The following SLC25A31 variants were observed in gnomAD, a reference collection of about 807,000 sequenced individuals.
SLC25A31 encodes the protein ADP/ATP translocase 4.
Under a neutral mutation model 36.2 loss-of-function variants are expected in SLC25A31, and 40 were observed. The observed-to-expected ratio is 1.10, with a 90% CI of 0.86 to 1.44. The LOEUF (loss-of-function observed/expected upper bound fraction) is 1.44. Ranked by LOEUF, SLC25A31 falls within the 40% of genes most tolerant of loss-of-function variation. The probability of loss-of-function intolerance (pLI) is 0.00; values close to 1 mark genes in which losing one functional copy is unlikely to be tolerated. For synonymous variants in SLC25A31, 143 were observed against 149.7 expected, an observed-to-expected ratio of 0.96 and a Z score of 0.32; for missense variants, 350 against 397.1, an observed-to-expected ratio of 0.88 and a Z score of 1.01.
At chr4:127,756,302 C>G (rs1732030090) in intron 2 of SLC25A31, among the ~76,000 whole-genome samples, 1 of 152,178 alleles carries the variant, frequency 6.6e-6, no homozygotes, top group Non-Finnish European at 1.5e-5. Context: ...GAATAACCAG[C>G]TAAGTGAAGT....
chr4:127,741,854 G>C (rs1731737926), intron 1 of SLC25A31, among the ~76,000 whole-genome samples: 1 of 151,880 alleles, frequency 6.6e-6, no homozygotes, highest in African/African-American at 2.4e-5. Flanking sequence ...ATTCAGACTT[G>C]GTAGATTATA....
chr4:127,764,296 A>C lies in SLC25A31; in HGVS notation c.414A>C (p.Thr138=). The C allele has an allele frequency of 6.2e-7, 1 of 1,614,096 alleles. No individual in the cohort carries two copies. Among genetic ancestry groups the C allele is most frequent in the Non-Finnish European group, 8.5e-7 (1 of 1,179,982 alleles). ...CTTCTGGTGGAGCTGCTGGGGCAAC[A>C]TCCTTATGTGTAGTATATCCTCTAG... ...NLASGGAAGA[T]SLCVVYPLDF... Residue 138 remains threonine (T), a synonymous_variant, in exon 3 of 6, where the codon ACA becomes ACC. Coordinates refer to ENST00000281154, the MANE Select transcript of SLC25A31 (RefSeq NM_031291.4).
intron 1 of SLC25A31, 26 bp from the exon 2 acceptor site, chr4:127,744,646 A>G: frequency 6.4e-7 from 1 of 1,569,706 alleles, no homozygotes; most frequent in Non-Finnish European, 8.6e-7. Flanking sequence ...ATGTAGGTTT[A>G]TGTATTTATA....
rs888861879 is a variant in SLC25A31 at position 127,736,716 on chromosome 4, C to A, written c.232+5939C>A. On this transcript the variant is annotated intron_variant, in intron 1 of 5. Coordinates refer to ENST00000281154, the MANE Select transcript of SLC25A31 (RefSeq NM_031291.4). ...GTATAATAACTATACCTATCTGATA[C>A]GGTAGTTGTGAGGATTAAAGAAGAT... Among the ~76,000 whole-genome samples the A allele has an allele frequency of 2.0e-5, 3 of 151,942 alleles. 1 individual carries two copies. The South Asian group carries it at 6.2e-4, about 32-fold the overall frequency.
Position 127,764,345 on chromosome 4 carries a change from G to C in SLC25A31, c.463G>C (p.Val155Leu), listed in dbSNP as rs778035760. Residue 155 changes from valine to leucine, a missense_variant, in exon 3 of 6, where the codon GTC becomes CTC. Transcript: ENST00000281154. ...PLDFARTRLG[V>L]DIGKGPEERQ... is the part of the protein sequence containing the mutation. ...AGATTTTGCCCGAACCCGATTAGGT[G>C]TCGATATTGGAAAAGGTATGAGATT... The C allele has an allele frequency of 1.2e-6, 2 of 1,612,464 alleles. No individual in the cohort carries two copies. Among genetic ancestry groups the C allele is most frequent in the Non-Finnish European group, 1.7e-6 (2 of 1,178,884 alleles).
At chr4:127,768,949 A>G in intron 5 of SLC25A31, 72 bp downstream of exon 5, 1 of 1,396,400 alleles carries the variant, frequency 7.2e-7, no homozygotes, top group Non-Finnish European at 9.6e-7. Flanking sequence ...AATCAAATTT[A>G]AGAGAAATGT....
intron 1 of SLC25A31, among the ~76,000 whole-genome samples, chr4:127,735,876 A>ATTTTT (rs1560630392): frequency 2.4e-4 from 18 of 73,746 alleles, no homozygotes; most frequent in African/African-American, 8.6e-4. Context: ...TATTTTATTT[A>ATTTTT]TTTATTTATT....
intron 4 of SLC25A31, among the ~76,000 whole-genome samples, 175 bp downstream of exon 4, chr4:127,767,395 A>C (rs546275726): frequency 6.6e-6 from 1 of 152,344 alleles, no homozygotes; most frequent in South Asian, 2.1e-4. Flanking sequence ...TTAAATTATA[A>C]CTGCAGTATG....
chr4:127,771,702 G>A (rs989720863), intron 5 of SLC25A31, among the ~76,000 whole-genome samples: 11 of 152,048 alleles, frequency 7.2e-5, no homozygotes, highest in African/African-American at 1.2e-4. Flanking sequence ...AGAAAATGAC[G>A]TCAGTGTTAC....
intron 2 of SLC25A31, among the ~76,000 whole-genome samples, chr4:127,750,229 G>A (rs984244069): frequency 6.6e-6 from 1 of 152,046 alleles, no homozygotes; most frequent in African/African-American, 2.4e-5. Context: ...GAAAACATAT[G>A]AAAGTATAAA....
intron 2 of SLC25A31, among the ~76,000 whole-genome samples, chr4:127,756,433 C>T (rs917315771): frequency 2.6e-5 from 4 of 152,020 alleles, no homozygotes; most frequent in Non-Finnish European, 4.4e-5. Context: ...GTCGATGGAG[C>T]GTGGGGGGAT....
chr4:127,750,945 CAT>C (rs775289042), intron 2 of SLC25A31, among the ~76,000 whole-genome samples: 19 of 152,232 alleles, frequency 1.2e-4, no homozygotes, highest in Non-Finnish European at 2.6e-4. Context: ...AATTAAAAAA[CAT>C]AGTGGTAAAG....
At chr4:127,762,075 A>C (rs527571335) in intron 2 of SLC25A31, among the ~76,000 whole-genome samples, 15 of 152,226 alleles carry the variant, frequency 9.9e-5, no homozygotes, top group Non-Finnish European at 1.8e-4. Context: ...TTACCAGTAC[A>C]CTTTATTAAA....
At chr4:127,760,402 CT>C (rs1470415371) in intron 2 of SLC25A31, among the ~76,000 whole-genome samples, 1 of 152,188 alleles carries the variant, frequency 6.6e-6, no homozygotes, top group Non-Finnish European at 1.5e-5. Flanking sequence ...GAGCTTAAAG[CT>C]TTTGCTCCAC....
At chr4:127,752,341 T>G (rs1233123155) in intron 2 of SLC25A31, among the ~76,000 whole-genome samples, 8 of 151,944 alleles carry the variant, frequency 5.3e-5, no homozygotes, top group Admixed American at 5.3e-4. Flanking sequence ...ACACCGCATG[T>G]TCTCACTCAT....
chr4:127,734,956 C>T lies in SLC25A31; in HGVS notation c.232+4179C>T, dbSNP rs374198082. On this transcript the variant is annotated intron_variant, in intron 1 of 5. Transcript: ENST00000281154. ...GTAGAGGGAATGACAAGCACCCTTC[C>T]TCAATAATATATTATTGTTTATGTT... Among the ~76,000 whole-genome samples, 9 of 152,166 alleles carry T rather than the reference C, an allele frequency of 5.9e-5. No homozygotes were observed. In the East Asian group the frequency reaches 1.4e-3, roughly 23 times the overall value.
chr4:127,756,998 C>T (rs1183220860), intron 2 of SLC25A31, among the ~76,000 whole-genome samples: 2 of 152,116 alleles, frequency 1.3e-5, no homozygotes, highest in Non-Finnish European at 2.9e-5. Flanking sequence ...TATGTTCATA[C>T]AAAAACCAGT....
Position 127,773,442 on chromosome 4 carries a change from C to T in SLC25A31, c.816C>T (p.Tyr272=). The T allele has an allele frequency of 6.2e-7, 1 of 1,614,040 alleles. No homozygotes were observed. Among genetic ancestry groups the T allele is most frequent in the Non-Finnish European group, 8.5e-7 (1 of 1,179,966 alleles). ...KGTLDCFVKI[Y]QHEGISSFFR... ...CCTTAGACTGCTTTGTGAAGATATACCAACATGAAGGAATCAGTTCCTTTT... is the reference window on the plus strand; with the variant it reads ...CCTTAGACTGCTTTGTGAAGATATATCAACATGAAGGAATCAGTTCCTTTT... The change falls in exon 6 of 6, where the codon TAC becomes TAT. Residue 272 remains tyrosine, a synonymous_variant. Transcript: ENST00000281154.
intron 5 of SLC25A31, 114 bp downstream of exon 5, chr4:127,768,991 T>A: frequency 6.3e-6 from 6 of 948,024 alleles, no homozygotes; most frequent in Non-Finnish European, 6.0e-6. Context: ...TTGTTTTACT[T>A]AGCTAAAATA....
Sources: allele counts gnomAD v4.1 joint callset (sites outside exome capture counted in the v4.1 genomes callset), GRCh38; gene constraint gnomAD v4.1.1; transcripts MANE v1.5; gene names NCBI Gene and HGNC (gene_info 2026-07-23, HGNC 2026-07-21).